ZNF521: variants seen among roughly 807,000 people sequenced by gnomAD.
ZNF521 encodes the protein LYST-interacting protein 3.
In ZNF521, 14 loss-of-function variants were observed where a neutral mutation model predicts 105.5. That is an observed-to-expected ratio of 0.13 (90% CI 0.09 to 0.21). The LOEUF (loss-of-function observed/expected upper bound fraction) is 0.21, where lower values mean the gene tolerates loss of function less well. ZNF521 is among the 10% of genes least tolerant of loss of function. The probability of loss-of-function intolerance (pLI) is 1.00; values close to 1 mark genes in which losing one functional copy is unlikely to be tolerated. For missense variants in ZNF521, 1,233 were observed against 1,629.7 expected (o/e 0.76, Z 4.19); for synonymous variants, 635 against 606.0 (o/e 1.05, Z -0.70).
intron 5 of ZNF521, among the ~76,000 whole-genome samples, chr18:25,138,099 C>T (rs999541942): frequency 2.6e-5 from 4 of 152,096 alleles, no homozygotes; most frequent in African/African-American, 9.7e-5. Flanking sequence ...CCAAGGACTT[C>T]CTGGGAGACT....
intron 5 of ZNF521, among the ~76,000 whole-genome samples, chr18:25,176,914 G>A (rs530840804): frequency 2.6e-5 from 4 of 152,316 alleles, no homozygotes; most frequent in East Asian, 3.9e-4. Context: ...AACATTCGGC[G>A]CTGGCGTGGA....
At chr18:25,219,965 C>A (rs1164838039) in intron 4 of ZNF521, among the ~76,000 whole-genome samples, 1 of 152,176 alleles carries the variant, frequency 6.6e-6, no homozygotes, top group Admixed American at 6.5e-5. Context: ...AGTGTTCCCA[C>A]CAGCTCCCAA....
chr18:25,343,426 C>T (rs1914319818), intron 2 of ZNF521, among the ~76,000 whole-genome samples: 2 of 152,082 alleles, frequency 1.3e-5, no homozygotes, highest in Non-Finnish European at 2.9e-5. Context: ...AGTATGTTTC[C>T]GTGTATATAG....
In ZNF521 at chr18:25,126,626, T is replaced by C. The variant is rs541505872; in HGVS notation, c.3659-34545A>G. Among the ~76,000 whole-genome samples the C allele has an allele frequency of 1.2e-4, 18 of 152,186 alleles. No individual in the cohort carries two copies. The South Asian group carries it at 3.1e-3, about 26-fold the overall frequency. On this transcript the variant is annotated intron_variant, in intron 5 of 7. Coordinates refer to ENST00000361524, the MANE Select transcript of ZNF521 (RefSeq NM_015461.3). ...ATTAAAGGACTGAATAGGAGCCACA[T>C]ACAACCATTCTAGAAATATCTATTT...
chr18:25,254,169 T>C (rs1908310784), intron 3 of ZNF521, among the ~76,000 whole-genome samples: 1 of 152,098 alleles, frequency 6.6e-6, no homozygotes. Flanking sequence ...CACCAGCATA[T>C]ATGGATACTG....
Position 25,225,579 on chromosome 18 carries a change from C to T in ZNF521, c.2339G>A (p.Gly780Glu). ...HVKHNHLENQ[G>E]KVHKCIFCGE... ...GCAGAAAATGCACTTATGCACTTTC[C>T]CTTGGTTTTCCAGGTGGTTGTGTTT... Residue 780 changes from glycine to glutamate, a missense_variant, in exon 4 of 8, where the codon GGG becomes GAG. Physicochemically the swap from Gly to Glu is moderately conservative, Grantham distance 98 (BLOSUM62 -2). Transcript: ENST00000361524. The surrounding 1 kb of genome is among the most constrained non-coding windows in gnomAD (Gnocchi z 5.6). The T allele has an allele frequency of 6.2e-7, 1 of 1,614,158 alleles. No homozygotes were observed. Among genetic ancestry groups the T allele is most frequent in the Non-Finnish European group, 8.5e-7 (1 of 1,180,028 alleles).
chr18:25,165,311 A>G (rs2035319450), intron 5 of ZNF521, among the ~76,000 whole-genome samples: 1 of 152,212 alleles, frequency 6.6e-6, no homozygotes, highest in South Asian at 2.1e-4. Context: ...CCTTCAAATC[A>G]TAAGACAGAG....
intron 3 of ZNF521, among the ~76,000 whole-genome samples, chr18:25,268,237 A>G (rs967608603): frequency 6.6e-6 from 1 of 152,208 alleles, no homozygotes; most frequent in African/African-American, 2.4e-5. Flanking sequence ...TGAAGTAAGA[A>G]AGAATGAAAA....
At chr18:25,255,928 T>A (rs1285446652) in intron 3 of ZNF521, among the ~76,000 whole-genome samples, 1 of 149,616 alleles carries the variant, frequency 6.7e-6, no homozygotes, top group Non-Finnish European at 1.5e-5. Flanking sequence ...ATAAATAAAA[T>A]GTGGTGTATA....
At chr18:25,351,880 G>A (rs1437444635) in intron 1 of ZNF521, 125 bp downstream of exon 1, 20 of 271,510 alleles carry the variant, frequency 7.4e-5, no homozygotes, top group Admixed American at 7.1e-4. Flanking sequence ...CCTCGGCAGC[G>A]GCGGCGGCAG....
chr18:25,184,185 T>C (rs915818884), intron 5 of ZNF521, among the ~76,000 whole-genome samples: 26 of 152,164 alleles, frequency 1.7e-4, no homozygotes, highest in African/African-American at 6.0e-4. Context: ...TAATTGCTTT[T>C]TTTTAAAAAA....
chr18:25,093,242 T>C (rs943708719), intron 5 of ZNF521, among the ~76,000 whole-genome samples: 5 of 152,114 alleles, frequency 3.3e-5, no homozygotes, highest in African/African-American at 1.2e-4. Context: ...AGGGGACATA[T>C]CTTAATAGAT....
At chr18:25,130,261 C>G (rs745800198) in intron 5 of ZNF521, among the ~76,000 whole-genome samples, 22 of 152,068 alleles carry the variant, frequency 1.4e-4, no homozygotes, top group Non-Finnish European at 2.9e-4. Flanking sequence ...TGTATTATTC[C>G]AAGTATATGA....
At chr18:25,324,142 G>A (rs945567260) in intron 2 of ZNF521, among the ~76,000 whole-genome samples, 17 of 152,024 alleles carry the variant, frequency 1.1e-4, no homozygotes, top group Non-Finnish European at 2.1e-4. Context: ...CATTTGTCTT[G>A]TACTCTGCCA....
At chr18:25,072,631 T>C (rs1050927402) in intron 7 of ZNF521, among the ~76,000 whole-genome samples, 1 of 152,074 alleles carries the variant, frequency 6.6e-6, no homozygotes, top group African/African-American at 2.4e-5. Flanking sequence ...AAGAAAACAA[T>C]GAATTGAGCT....
chr18:25,293,334 G>A (rs1911141515), intron 3 of ZNF521, among the ~76,000 whole-genome samples: 1 of 142,418 alleles, frequency 7.0e-6, no homozygotes, highest in African/African-American at 2.8e-5. Flanking sequence ...AGATTTTCTT[G>A]CTTGCACATG....
intron 2 of ZNF521, chr18:25,327,734 C>A: frequency 1.9e-6 from 1 of 516,516 alleles, no homozygotes; most frequent in Non-Finnish European, 3.9e-6. Context: ...AAATCGCACA[C>A]TGTTATAAAA....
intron 2 of ZNF521, among the ~76,000 whole-genome samples, chr18:25,344,012 C>A (rs1914348387): frequency 6.6e-6 from 1 of 151,882 alleles, no homozygotes; most frequent in African/African-American, 2.4e-5. Flanking sequence ...TGGCAGGGTC[C>A]CCAGGCAGCA....
chr18:25,250,627 A>C (rs1482004708), intron 3 of ZNF521, among the ~76,000 whole-genome samples: 1 of 152,222 alleles, frequency 6.6e-6, no homozygotes, highest in African/African-American at 2.4e-5. Flanking sequence ...CAAATGTGTT[A>C]TCTTCCAAAT....
Sources: allele counts gnomAD v4.1 joint callset (sites outside exome capture counted in the v4.1 genomes callset), GRCh38; gene constraint gnomAD v4.1.1; non-coding constraint Gnocchi (gnomAD v3.1); transcripts MANE v1.5; gene names NCBI Gene and HGNC (gene_info 2026-07-23, HGNC 2026-07-21).